Variants in MYO5B observed in about 807,000 individuals in gnomAD.
MYO5B encodes unconventional myosin-Vb.
MYO5B carries 143 observed loss-of-function variants against 229.3 expected under a neutral mutation model. The observed-to-expected ratio is 0.62, with a 90% CI of 0.54 to 0.72. The LOEUF is 0.72. Ranked by LOEUF, MYO5B falls within the 30% of genes least tolerant of loss-of-function variation. MYO5B has a pLI of 0.00. For synonymous variants in MYO5B, 918 were observed against 885.2 expected, an observed-to-expected ratio of 1.04 and a Z score of -0.66; for missense variants, 2,321 against 2,331.0, an observed-to-expected ratio of 1.00 and a Z score of 0.09.
chr18:50,178,022 C>T (rs972347586), intron 1 of MYO5B, among the ~76,000 whole-genome samples: 6 of 152,214 alleles, frequency 3.9e-5, no homozygotes, highest in African/African-American at 1.4e-4. Context: ...TCCTTAATAG[C>T]AAGGACTATG....
At chr18:50,112,637 T>G (rs2031886914) in intron 1 of MYO5B, among the ~76,000 whole-genome samples, 1 of 152,216 alleles carries the variant, frequency 6.6e-6, no homozygotes, top group Non-Finnish European at 1.5e-5. Context: ...CAGGCCCTTC[T>G]GGTACATACA....
chr18:49,953,157 C>A, intron 14 of MYO5B, 103 bp downstream of exon 14: 1 of 1,099,880 alleles, frequency 9.1e-7, no homozygotes, highest in South Asian at 1.3e-5. Context: ...CCTCCCTGCC[C>A]AGCATCTCTG....
intron 1 of MYO5B, among the ~76,000 whole-genome samples, chr18:50,194,123 C>T (rs922681113): frequency 1.3e-5 from 2 of 152,252 alleles, no homozygotes; most frequent in South Asian, 2.1e-4. Flanking sequence ...TCACAATGCT[C>T]TTCCCTGGGG....
intron 5 of MYO5B, among the ~76,000 whole-genome samples, chr18:49,997,139 C>T (rs941508690): frequency 3.3e-5 from 5 of 151,680 alleles, no homozygotes; most frequent in African/African-American, 1.2e-4. Context: ...TGGTGGTGCA[C>T]GTCTAGTAGT....
intron 35 of MYO5B, among the ~76,000 whole-genome samples, chr18:49,840,798 T>C (rs186446860): frequency 4.6e-5 from 7 of 152,268 alleles, no homozygotes; most frequent in Non-Finnish European, 5.9e-5. Flanking sequence ...AGGTCCGGTG[T>C]GGATTGTGAA....
intron 1 of MYO5B, among the ~76,000 whole-genome samples, chr18:50,118,058 T>C (rs2031994876): frequency 6.6e-6 from 1 of 152,170 alleles, no homozygotes; most frequent in African/African-American, 2.4e-5. Flanking sequence ...AAAATGGCCT[T>C]TTTATTAGTG....
rs2025115159 is a variant in MYO5B, at chr18:49,925,148, A to T, written c.2090+4364T>A. ...TAGAACAGACTCTATATCTGATAAG[A>T]AACATTTATAATCTATTCTCTCTGA... On this transcript the variant is annotated intron_variant, in intron 17 of 39. Transcript: ENST00000285039. Among the ~76,000 whole-genome samples, 2 of 152,198 alleles carry T rather than the reference A, an allele frequency of 1.3e-5. 1 individual carries two copies. Among genetic ancestry groups the T allele is most frequent in the South Asian group, 4.1e-4 (2 of 4,828 alleles).
intron 1 of MYO5B, among the ~76,000 whole-genome samples, chr18:50,112,412 TCCC>T (rs2031881646): frequency 6.6e-6 from 1 of 151,698 alleles, no homozygotes; most frequent in African/African-American, 2.4e-5. Flanking sequence ...CACCAAGACG[TCCC>T]CATCAAGAGG....
chr18:49,895,345 C>G (rs1334138357), intron 21 of MYO5B, among the ~76,000 whole-genome samples, 171 bp from the exon 22 acceptor site: 1 of 152,188 alleles, frequency 6.6e-6, no homozygotes, highest in Non-Finnish European at 1.5e-5. Context: ...TAACAAAACA[C>G]TAATGTAAAC....
intron 35 of MYO5B, 94 bp from the exon 36 acceptor site, chr18:49,839,388 G>A (rs1568604248): frequency 6.9e-7 from 1 of 1,451,592 alleles, no homozygotes; most frequent in Non-Finnish European, 9.6e-7. Flanking sequence ...TCTATTTGGT[G>A]GGCAGGGGGC....
Position 49,974,559 on chromosome 18 carries a change from C to T in MYO5B, c.1113G>A (p.Gln371=). Residue 371 remains glutamine, a synonymous_variant, in exon 10 of 40, where the codon CAG becomes CAA. Coordinates refer to ENST00000285039, the MANE Select transcript of MYO5B (RefSeq NM_001080467.3). The part of the protein sequence containing the change: ...FCRLLGVEHS[Q]MEHWLCHRKL... ...TGCGATGACACAGCCAGTGCTCCATCTGACTGTGCTCCACCCCTAGCAGTC... is the reference window on the plus strand; with the variant it reads ...TGCGATGACACAGCCAGTGCTCCATTTGACTGTGCTCCACCCCTAGCAGTC... 1 of 1,614,196 alleles carries T rather than the reference C, an allele frequency of 6.2e-7. No homozygotes were observed. The highest frequency in any genetic ancestry group is 1.1e-5 in the South Asian group (1 of 91,078).
At chr18:50,103,534 G>A (rs113641211) in intron 1 of MYO5B, among the ~76,000 whole-genome samples, 16 of 152,248 alleles carry the variant, frequency 1.1e-4, no homozygotes, top group East Asian at 5.8e-4. Context: ...AGGATCACTC[G>A]AGGCCAGGAG....
chr18:50,109,487 G>A (rs1374075097), intron 1 of MYO5B, among the ~76,000 whole-genome samples: 8 of 150,938 alleles, frequency 5.3e-5, no homozygotes, highest in South Asian at 2.1e-4. Context: ...GTGCAGTGGC[G>A]TGATCTCAGC....
intron 1 of MYO5B, among the ~76,000 whole-genome samples, chr18:50,105,646 T>C (rs1049353891): frequency 6.6e-6 from 1 of 151,756 alleles, no homozygotes; most frequent in African/African-American, 2.4e-5. Context: ...TTTTTTTTTT[T>C]CTTTTTTGCA....
intron 33 of MYO5B, among the ~76,000 whole-genome samples, 185 bp downstream of exon 33, chr18:49,846,961 G>C (rs1013618767): frequency 4.2e-4 from 63 of 151,572 alleles, no homozygotes; most frequent in Non-Finnish European, 8.7e-4. Flanking sequence ...AGCAGGAGCT[G>C]GGGGGAGGAT....
intron 4 of MYO5B, among the ~76,000 whole-genome samples, chr18:50,034,110 G>GTAAGAAAC (rs2026421884): frequency 6.6e-6 from 1 of 152,166 alleles, no homozygotes; most frequent in African/African-American, 2.4e-5. Context: ...AACTATTAAT[G>GTAAGAAAC]TTAGTTTCTT....
chr18:50,163,455 T>C (rs372170251), intron 1 of MYO5B, among the ~76,000 whole-genome samples: 11 of 152,306 alleles, frequency 7.2e-5, no homozygotes, highest in African/African-American at 2.6e-4. Context: ...TTTTTCTACC[T>C]GTCACGTTAA....
At position 49,823,814 on chromosome 18, in the gene MYO5B, CTATAAG is replaced by C. The variant is rs2023804355; in HGVS notation, c.*2651_*2656del. 6.6e-6 allele frequency: 1 copy of C among 152,564 alleles called. No individual in the cohort carries two copies. Among genetic ancestry groups the C allele is most frequent in the African/African-American group, 2.4e-5 (1 of 41,438 alleles). 9.5% of individuals were successfully genotyped at this position (152,564 alleles called of 1,614,324 possible). ...CAACTCATGTGTACATTCACATTTA[CTATAAG>C]TAAACAGGTCCCGTATAATACTTAA... On this transcript the variant is annotated 3_prime_UTR_variant, in exon 40 of 40. Transcript: ENST00000285039.
chr18:50,188,551 G>A (rs1166954755), intron 1 of MYO5B, among the ~76,000 whole-genome samples: 2 of 152,044 alleles, frequency 1.3e-5, no homozygotes, highest in African/African-American at 4.8e-5. Context: ...CTATCAACAA[G>A]GCTGAGGTGG....
Sources: gnomAD v4.1 joint callset for allele counts (sites outside exome capture counted in the v4.1 genomes callset) on GRCh38, gnomAD v4.1.1 for gene constraint, MANE v1.5 for transcripts, NCBI Gene and HGNC (gene_info 2026-07-23, HGNC 2026-07-21) for gene names.